DAB1: variants seen among roughly 807,000 people sequenced by gnomAD.
The protein encoded by DAB1 is disabled homolog 1.
A neutral mutation model predicts 64.6 loss-of-function variants in DAB1; 15 were observed. The ratio of observed to expected loss-of-function variants is 0.23; its 90% CI spans 0.16 to 0.36. The LOEUF (loss-of-function observed/expected upper bound fraction) is 0.36. Among genes scored for constraint, DAB1 ranks in the 10% least tolerant of loss-of-function variants. The probability of loss-of-function intolerance (pLI) is 1.00; values close to 1 mark genes in which losing one functional copy is unlikely to be tolerated. For missense variants in DAB1, 596 were observed against 706.7 expected (o/e 0.84, Z 1.78); for synonymous variants, 235 against 251.9 (o/e 0.93, Z 0.64).
At chr1:57,677,043 G>C (rs1465728023) in intron 6 of DAB1, among the ~76,000 whole-genome samples, 2 of 152,104 alleles carry the variant, frequency 1.3e-5, no homozygotes, top group African/African-American at 2.4e-5. Flanking sequence ...AGGTCATAAG[G>C]GTGGGGCACT....
chr1:57,772,831 C>T (rs773596874), intron 6 of DAB1, among the ~76,000 whole-genome samples: 2 of 151,948 alleles, frequency 1.3e-5, no homozygotes, highest in Admixed American at 6.6e-5. Flanking sequence ...CTCCCAGTGA[C>T]CTTATTTGGA....
chr1:57,788,450 A>G (rs1650439277), intron 6 of DAB1, among the ~76,000 whole-genome samples: 1 of 152,248 alleles, frequency 6.6e-6, no homozygotes, highest in African/African-American at 2.4e-5. Flanking sequence ...GTGTGATGAC[A>G]TTTATATGAC....
intron 4 of DAB1, among the ~76,000 whole-genome samples, chr1:58,253,321 T>G (rs548089773): frequency 3.5e-4 from 53 of 152,328 alleles, no homozygotes; most frequent in African/African-American, 1.1e-3. Context: ...CCACCACCAC[T>G]GGCAACTGGT....
At chr1:57,460,485 G>A (rs1470842819) in intron 7 of DAB1, among the ~76,000 whole-genome samples, 1 of 152,178 alleles carries the variant, frequency 6.6e-6, no homozygotes, top group Non-Finnish European at 1.5e-5. Context: ...CCAAATGTGA[G>A]CTCTGACCTT....
At chr1:57,361,747 A>G (rs189483142) in intron 1 of DAB1, among the ~76,000 whole-genome samples, 1 of 152,298 alleles carries the variant, frequency 6.6e-6, no homozygotes, top group South Asian at 2.1e-4. Context: ...GATTTCTGGC[A>G]TGAGCAGACT....
At chr1:57,553,473 AAAGG>A (rs71051238) in intron 7 of DAB1, among the ~76,000 whole-genome samples, 3,790 of 25,680 alleles carry the variant, frequency 0.15, 377 homozygotes, top group Admixed American at 0.43. Context: ...AAAGGGAAAG[AAAGG>A]AAGGAAGGAA....
chr1:57,660,348 G>A (rs945662878), intron 6 of DAB1, among the ~76,000 whole-genome samples: 1 of 152,056 alleles, frequency 6.6e-6, no homozygotes, highest in Non-Finnish European at 1.5e-5. Context: ...TTAGTCAAAG[G>A]CTCTTCCACC....
intron 3 of DAB1, among the ~76,000 whole-genome samples, chr1:58,413,719 T>C (rs1006024708): frequency 6.6e-6 from 1 of 152,200 alleles, no homozygotes; most frequent in Non-Finnish European, 1.5e-5. Context: ...ATTACACTGA[T>C]GGTATTTAAT....
intron 2 of DAB1, among the ~76,000 whole-genome samples, chr1:57,236,714 G>A (rs998658176): frequency 6.6e-6 from 1 of 152,184 alleles, no homozygotes; most frequent in African/African-American, 2.4e-5. Context: ...CTTGATATAT[G>A]AGAGTAGAAC....
chr1:57,457,398 C>T (rs760071900), intron 7 of DAB1, among the ~76,000 whole-genome samples: 1 of 152,070 alleles, frequency 6.6e-6, no homozygotes, highest in African/African-American at 2.4e-5. Context: ...TAGATCTCTT[C>T]TGTTAAAGGA....
intron 6 of DAB1, among the ~76,000 whole-genome samples, chr1:57,816,186 A>G (rs1412326444): frequency 1.3e-5 from 2 of 152,158 alleles, no homozygotes; most frequent in Non-Finnish European, 2.9e-5. Context: ...GATTTACACC[A>G]CTACAGTAGT....
chr1:57,582,389 G>A (rs1019299204), intron 7 of DAB1, among the ~76,000 whole-genome samples: 1 of 152,156 alleles, frequency 6.6e-6, no homozygotes, highest in African/African-American at 2.4e-5. Flanking sequence ...CAGCAAGGGA[G>A]AAATCCGCTC....
intron 7 of DAB1, among the ~76,000 whole-genome samples, chr1:57,433,710 T>C (rs541200078): frequency 1.7e-4 from 26 of 152,010 alleles, no homozygotes; most frequent in Non-Finnish European, 2.5e-4. Flanking sequence ...AGAAAGTTAA[T>C]GGTAAACCAC....
intron 5 of DAB1, among the ~76,000 whole-genome samples, chr1:57,919,886 T>C (rs1644783975): frequency 6.6e-6 from 1 of 152,176 alleles, no homozygotes; most frequent in Non-Finnish European, 1.5e-5. Context: ...TGTACTTGGA[T>C]TTATATTGAA....
intron 1 of DAB1, among the ~76,000 whole-genome samples, chr1:57,870,271 G>C (rs1643918112): frequency 6.6e-6 from 1 of 152,112 alleles, no homozygotes; most frequent in Non-Finnish European, 1.5e-5. Flanking sequence ...GAAAACTCTG[G>C]TCCTGTCCGT....
At chr1:57,448,855 A>G (rs952646551) in intron 7 of DAB1, among the ~76,000 whole-genome samples, 7 of 152,122 alleles carry the variant, frequency 4.6e-5, no homozygotes, top group African/African-American at 1.7e-4. Context: ...TTACACTGTT[A>G]TTGACCTCAG....
At chr1:57,260,798 C>T (rs2100554793) in intron 2 of DAB1, among the ~76,000 whole-genome samples, 1 of 152,294 alleles carries the variant, frequency 6.6e-6, no homozygotes, top group African/African-American at 2.4e-5. Context: ...TGCATGCAAG[C>T]AGGGCCTGGG....
rs143200743 is a variant in DAB1, at chr1:58,373,245, A to C, written n.258-29842T>G. On this transcript the variant is annotated intron_variant and non_coding_transcript_variant, in intron 3 of 20. Coordinates refer to the DAB1 transcript ENST00000485760. ...GTGCAGGTCAGTTACATATGTATAC[A>C]TGTGCCATGCTGGTGCGCTGCACCC... Among the ~76,000 whole-genome samples, 1,368 of 148,814 alleles carry C rather than the reference A, an allele frequency of 9.2e-3. 20 individuals are homozygous for C. Among genetic ancestry groups the C allele is most frequent in the African/African-American group, 0.032 (1,288 of 40,682 alleles).
intron 2 of DAB1, among the ~76,000 whole-genome samples, chr1:57,236,100 G>A (rs764598382): frequency 2.0e-5 from 3 of 152,168 alleles, no homozygotes; most frequent in Admixed American, 6.5e-5. Flanking sequence ...GAAAGAAGAC[G>A]AGAGCAGAAT....
Sources: gnomAD v4.1 joint callset for allele counts (sites outside exome capture counted in the v4.1 genomes callset) on GRCh38, gnomAD v4.1.1 for gene constraint, MANE v1.5 for transcripts, NCBI Gene and HGNC (gene_info 2026-07-23, HGNC 2026-07-21) for gene names.